AFF3: variants seen among roughly 807,000 people sequenced by gnomAD.
The protein encoded by AFF3 is AF4/FMR2 family member 3.
Under a neutral mutation model 129.7 loss-of-function variants are expected in AFF3, and 32 were observed. The ratio of observed to expected loss-of-function variants is 0.25; its 90% CI spans 0.19 to 0.33. The LOEUF (loss-of-function observed/expected upper bound fraction) is 0.33, where lower values mean the gene tolerates loss of function less well. Among genes scored for constraint, AFF3 ranks in the 10% least tolerant of loss-of-function variants. AFF3 has a pLI of 1.00. For missense variants in AFF3, 1,373 were observed against 1,592.0 expected, an observed-to-expected ratio of 0.86 and a Z score of 2.34; for synonymous variants, 644 against 635.4, an observed-to-expected ratio of 1.01 and a Z score of -0.20.
chr2:99,604,436 C>G (rs1680137123), intron 13 of AFF3, among the ~76,000 whole-genome samples: 1 of 151,824 alleles, frequency 6.6e-6, no homozygotes, highest in South Asian at 2.1e-4. Context: ...AACACATGGA[C>G]ACTGAGAAGG....
intron 8 of AFF3, among the ~76,000 whole-genome samples, chr2:99,793,068 G>A (rs1423290389): frequency 6.6e-6 from 1 of 152,192 alleles, no homozygotes; most frequent in Non-Finnish European, 1.5e-5. Context: ...TGGTGTTGGA[G>A]GTGGGGCCTA....
chr2:99,853,481 G>A (rs552908447), intron 7 of AFF3, among the ~76,000 whole-genome samples: 106 of 152,270 alleles, frequency 7.0e-4, no homozygotes, highest in South Asian at 6.0e-3. Flanking sequence ...AACACATCTT[G>A]TTTTAGGTTT....
chr2:99,784,311 G>A (rs1684626388), intron 8 of AFF3, among the ~76,000 whole-genome samples: 1 of 152,216 alleles, frequency 6.6e-6, no homozygotes, highest in African/African-American at 2.4e-5. Flanking sequence ...TGGTCTGGAG[G>A]CATTCTTTGG....
At chr2:100,051,206 C>T (rs980644520) in intron 4 of AFF3, among the ~76,000 whole-genome samples, 2 of 152,122 alleles carry the variant, frequency 1.3e-5, no homozygotes, top group African/African-American at 4.8e-5. Flanking sequence ...TGTTTAAATG[C>T]GCACCCACTC....
intron 7 of AFF3, among the ~76,000 whole-genome samples, chr2:99,983,228 T>C (rs1679570128): frequency 6.6e-6 from 1 of 152,246 alleles, no homozygotes; most frequent in African/African-American, 2.4e-5. Flanking sequence ...AGTCATCAGC[T>C]ACCAGCTATC....
rs544373297 is a variant in AFF3 at position 100,045,771 on chromosome 2, A to G, written c.54-36839T>C. Among the ~76,000 whole-genome samples the G allele has an allele frequency of 2.6e-5, 4 of 152,266 alleles. No homozygotes were observed. The East Asian group carries it at 5.8e-4, about 22-fold the overall frequency. ...CACTTCCACTTAATGAATAGTAAAC[A>G]TATTTTCTCTTGCTTATGGTTTTCT... is the stretch of plus-strand genomic sequence containing the variant. On this transcript the variant is annotated intron_variant, in intron 4 of 24. Transcript: ENST00000672756.
intron 11 of AFF3, among the ~76,000 whole-genome samples, chr2:99,723,470 G>A (rs374345914): frequency 2.0e-5 from 3 of 152,280 alleles, no homozygotes; most frequent in East Asian, 3.9e-4. Flanking sequence ...AGGCCTTACT[G>A]AAGCCACACT....
intron 8 of AFF3, among the ~76,000 whole-genome samples, chr2:99,829,780 G>A (rs545744873): frequency 6.6e-6 from 1 of 152,166 alleles, no homozygotes; most frequent in African/African-American, 2.4e-5. Flanking sequence ...CCATTACAGG[G>A]TATATACTCA....
chr2:99,779,905 T>C (rs1165812474), intron 8 of AFF3, among the ~76,000 whole-genome samples: 1 of 152,234 alleles, frequency 6.6e-6, no homozygotes, highest in Non-Finnish European at 1.5e-5. Flanking sequence ...TTCTCATTTG[T>C]GGTCTAAATA....
chr2:99,999,413 A>G (rs190347031), intron 7 of AFF3, among the ~76,000 whole-genome samples: 2 of 152,284 alleles, frequency 1.3e-5, no homozygotes, highest in East Asian at 3.9e-4. Context: ...CTCACCCAAT[A>G]AGTATCTATT....
intron 4 of AFF3, among the ~76,000 whole-genome samples, chr2:100,041,410 T>C (rs1323517328): frequency 8.5e-5 from 13 of 152,220 alleles, no homozygotes; most frequent in African/African-American, 2.4e-5. Context: ...TAATCTTCAA[T>C]GTTCTGTGTT....
At chr2:100,105,658 TC>T (rs1356094732) in intron 2 of AFF3, 75 bp from the exon 3 acceptor site, 1 of 1,344,948 alleles carries the variant, frequency 7.4e-7, no homozygotes, top group Admixed American at 2.2e-5. Flanking sequence ...AGACAGCTCT[TC>T]CCCCTGGCTT....
At chr2:100,064,836 T>G (rs1687589909) in intron 4 of AFF3, among the ~76,000 whole-genome samples, 1 of 152,268 alleles carries the variant, frequency 6.6e-6, no homozygotes, top group Non-Finnish European at 1.5e-5. Context: ...CTGTTCTCTT[T>G]TTTATAAATT....
chr2:100,029,995 T>G (rs1001000892), intron 4 of AFF3, among the ~76,000 whole-genome samples: 15 of 151,920 alleles, frequency 9.9e-5, no homozygotes, highest in Non-Finnish European at 1.0e-4. Flanking sequence ...TGAGCCTGAG[T>G]GGTCGAGGCT....
intron 12 of AFF3, among the ~76,000 whole-genome samples, chr2:99,668,511 T>C (rs1215183096): frequency 6.6e-6 from 1 of 151,444 alleles, no homozygotes; most frequent in Admixed American, 6.6e-5. Context: ...CAGGCCCATA[T>C]GGTTTTACTA....
chr2:99,900,271 G>T (rs1017769916), intron 7 of AFF3, among the ~76,000 whole-genome samples: 2 of 152,266 alleles, frequency 1.3e-5, no homozygotes, highest in African/African-American at 4.8e-5. Flanking sequence ...GCCCAATAAA[G>T]ACTTCACTTA....
chr2:99,636,604 G>A (rs1025512008), intron 13 of AFF3, among the ~76,000 whole-genome samples: 6 of 152,188 alleles, frequency 3.9e-5, no homozygotes, highest in Non-Finnish European at 5.9e-5. Flanking sequence ...TTGGCGGATC[G>A]AATGGCTGTC....
At chr2:99,927,033 G>A (rs1243131595) in intron 7 of AFF3, among the ~76,000 whole-genome samples, 2 of 152,106 alleles carry the variant, frequency 1.3e-5, no homozygotes, top group African/African-American at 4.8e-5. Context: ...GCTATGTGTA[G>A]GGTGGTCCTA....
At chr2:99,739,203 T>C (rs578014830) in intron 10 of AFF3, among the ~76,000 whole-genome samples, 4 of 152,132 alleles carry the variant, frequency 2.6e-5, no homozygotes, top group Admixed American at 1.3e-4. Flanking sequence ...AGTGGAAATG[T>C]GGTCTTTCCT....
Sources: gnomAD v4.1 joint callset for allele counts (sites outside exome capture counted in the v4.1 genomes callset) on GRCh38, gnomAD v4.1.1 for gene constraint, MANE v1.5 for transcripts, NCBI Gene and HGNC (gene_info 2026-07-23, HGNC 2026-07-21) for gene names.